The following PAK5 variants were observed in gnomAD, a reference collection of about 807,000 sequenced individuals.
PAK5 encodes the protein serine/threonine-protein kinase PAK 5.
A neutral mutation model predicts 65.9 loss-of-function variants in PAK5; 16 were observed. The observed-to-expected ratio is 0.24, with a 90% CI of 0.16 to 0.37. The LOEUF is 0.37. Among genes scored for constraint, PAK5 ranks in the 10% least tolerant of loss-of-function variants. The pLI, the probability that PAK5 is intolerant of heterozygous loss-of-function variation, is 1.00. For missense variants in PAK5, 785 were observed against 903.9 expected (o/e 0.87, Z 1.69); for synonymous variants, 371 against 354.9 (o/e 1.05, Z -0.51).
intron 2 of PAK5, among the ~76,000 whole-genome samples, chr20:9,676,998 A>G (rs896340070): frequency 1.2e-4 from 18 of 152,086 alleles, no homozygotes; most frequent in Non-Finnish European, 1.6e-4. Context: ...AGGAAAATAA[A>G]TATGTTTTCC....
chr20:9,763,282 A>G (rs909634585), intron 1 of PAK5, among the ~76,000 whole-genome samples: 19 of 152,240 alleles, frequency 1.2e-4, no homozygotes, highest in South Asian at 1.2e-3. Context: ...ATGCACACAC[A>G]TGAAATTATA....
chr20:9,618,403 CTTTTTTTTTTTT>C (rs58376139), intron 3 of PAK5, among the ~76,000 whole-genome samples: 1 of 129,802 alleles, frequency 7.7e-6, no homozygotes, highest in African/African-American at 3.0e-5. Flanking sequence ...CGGCCTGGAA[CTTTTTTTTTTTT>C]TTTTTTTTTG....
intron 1 of PAK5, among the ~76,000 whole-genome samples, chr20:9,715,971 A>C (rs1305023357): frequency 1.3e-5 from 2 of 152,162 alleles, no homozygotes; most frequent in African/African-American, 4.8e-5. Context: ...GATGCAGTAC[A>C]CCAACATGGC....
intron 1 of PAK5, among the ~76,000 whole-genome samples, chr20:9,750,978 T>C (rs2048569999): frequency 2.0e-5 from 3 of 152,166 alleles, no homozygotes; most frequent in Admixed American, 2.0e-4. Flanking sequence ...TGTATGGCAT[T>C]TTTGGCTTCT....
intron 2 of PAK5, among the ~76,000 whole-genome samples, chr20:9,694,632 G>A (rs1034467745): frequency 4.7e-4 from 71 of 151,794 alleles, no homozygotes; most frequent in African/African-American, 1.6e-3. Context: ...CTTGATTTTG[G>A]ACTTAATATG....
intron 1 of PAK5, among the ~76,000 whole-genome samples, chr20:9,781,353 ACCCATAGAAGG>A (rs1235252668): frequency 1.3e-5 from 2 of 152,024 alleles, no homozygotes; most frequent in Non-Finnish European, 2.9e-5. Context: ...GTGACAGCTC[ACCCATAGAAGG>A]CCACTGTGAG....
chr20:9,815,382 T>C (rs1191107510), intron 1 of PAK5, among the ~76,000 whole-genome samples: 1 of 152,152 alleles, frequency 6.6e-6, no homozygotes, highest in Non-Finnish European at 1.5e-5. Flanking sequence ...TGTGTAGTCC[T>C]TGGAGTTTCT....
chr20:9,566,424 G>C (rs768447846), intron 4 of PAK5, 40 bp from the exon 5 acceptor site: 1 of 1,581,058 alleles, frequency 6.3e-7, no homozygotes, highest in Non-Finnish European at 8.6e-7. Context: ...TCACATGCTG[G>C]ATCTGAATGC....
intron 2 of PAK5, among the ~76,000 whole-genome samples, chr20:9,674,296 A>C (rs2423410): frequency 0.67 from 101,433 of 151,812 alleles, 34,479 homozygotes; most frequent in East Asian, 0.94. Flanking sequence ...AGAGTCTCTG[A>C]TTACTAAGAT....
rs150745945 is a variant in PAK5, at chr20:9,766,162, C to T, written c.-161-54727G>A. Among the ~76,000 whole-genome samples, 959 of 150,474 alleles carry T rather than the reference C, an allele frequency of 6.4e-3. 9 individuals are homozygous for T. Among genetic ancestry groups the T allele is most frequent in the Non-Finnish European group, 6.8e-3 (461 of 67,780 alleles). ...ACTTGAACCCGGAAGGCAGAGGTTG[C>T]AGTGAGCTGAGATTGCGCCACTATA... On this transcript the variant is annotated intron_variant, in intron 1 of 9. Coordinates refer to ENST00000353224, the MANE Select transcript of PAK5 (RefSeq NM_177990.4).
At position 9,602,613 on chromosome 20, in the gene PAK5, T is replaced by A. The variant is rs562601243; in HGVS notation, c.205-21683A>T. Among the ~76,000 whole-genome samples the A allele has an allele frequency of 3.9e-5, 6 of 152,244 alleles. No homozygotes were observed. The South Asian group carries it at 1.2e-3, about 31-fold the overall frequency. On this transcript the variant is annotated intron_variant, in intron 3 of 9. Transcript: ENST00000353224. ...TTCTCATCATTTTGCACTGCAGGAC[T>A]TTTCCATGCTAGATTAGTAGCTAGT...
At chr20:9,642,588 T>C (rs769293456) in intron 3 of PAK5, among the ~76,000 whole-genome samples, 18 of 152,224 alleles carry the variant, frequency 1.2e-4, no homozygotes, top group Non-Finnish European at 2.5e-4. Flanking sequence ...AGCAGATTTT[T>C]TTCTAATCCC....
chr20:9,583,099 T>C (rs2123030871), intron 3 of PAK5, among the ~76,000 whole-genome samples: 1 of 152,330 alleles, frequency 6.6e-6, no homozygotes, highest in Admixed American at 6.5e-5. Context: ...TCATTGCTAC[T>C]GGGTGTCATT....
intron 2 of PAK5, among the ~76,000 whole-genome samples, chr20:9,672,568 T>G (rs2123373047): frequency 6.6e-6 from 1 of 152,068 alleles, no homozygotes; most frequent in Non-Finnish European, 1.5e-5. Context: ...CCATGTAAGA[T>G]GTAACTTTGC....
chr20:9,722,505 G>C (rs996280134), intron 1 of PAK5, among the ~76,000 whole-genome samples: 1 of 151,638 alleles, frequency 6.6e-6, no homozygotes, highest in South Asian at 2.1e-4. Flanking sequence ...CCAGCTACTC[G>C]GGAGGCTGAG....
At chr20:9,636,355 T>C (rs2046983020) in intron 3 of PAK5, among the ~76,000 whole-genome samples, 1 of 152,140 alleles carries the variant, frequency 6.6e-6, no homozygotes, top group Admixed American at 6.5e-5. Context: ...AATAAAACAG[T>C]GGTCCTCAAG....
intron 1 of PAK5, among the ~76,000 whole-genome samples, chr20:9,831,107 G>A (rs956803963): frequency 1.3e-5 from 2 of 152,242 alleles, no homozygotes; most frequent in Non-Finnish European, 2.9e-5. Context: ...CTGTGGTCAA[G>A]CTCTGAACAA....
intron 3 of PAK5, among the ~76,000 whole-genome samples, chr20:9,596,247 G>T (rs1195179954): frequency 6.6e-6 from 1 of 152,100 alleles, no homozygotes; most frequent in Non-Finnish European, 1.5e-5. Context: ...ATCAACTAGG[G>T]TCTTCTGAAG....
chr20:9,662,894 G>T (rs1349780767), intron 2 of PAK5, among the ~76,000 whole-genome samples: 2 of 152,088 alleles, frequency 1.3e-5, no homozygotes, highest in Non-Finnish European at 2.9e-5. Context: ...CTAGCTAGTG[G>T]CAGATGCAGG....
Sources: gnomAD v4.1 joint callset for allele counts (sites outside exome capture counted in the v4.1 genomes callset) on GRCh38, gnomAD v4.1.1 for gene constraint, MANE v1.5 for transcripts, NCBI Gene and HGNC (gene_info 2026-07-23, HGNC 2026-07-21) for gene names.